PER1: variants seen among roughly 807,000 people sequenced by gnomAD.
The protein encoded by PER1 is period circadian regulator 1.
In PER1, 87 loss-of-function variants were observed where a neutral mutation model predicts 125.9. The observed-to-expected ratio is 0.69, with a 90% CI of 0.58 to 0.83. The LOEUF is 0.83. Ranked by LOEUF, PER1 falls within the 40% of genes least tolerant of loss-of-function variation. PER1 has a pLI of 0.00. For missense variants in PER1, 1,775 were observed against 1,722.8 expected (o/e 1.03, Z -0.54); for synonymous variants, 801 against 714.7 (o/e 1.12, Z -1.93).
In PER1 at chr17:8,144,969, G is replaced by A. The variant is rs746932415; in HGVS notation, c.2243C>T (p.Pro748Leu). The change falls in exon 18 of 23, where the codon CCT (proline) becomes CTT (leucine). Residue 748 changes from proline to leucine, a missense_variant. Transcript: ENST00000317276. ...GGGGGCTGGGCCTGGGGCTAGGCCA[G>A]GCAGGTCCTCCATCATGATGATGTC... ...ESDIIMMEDL[P>L]GLAPGPAPSP... The A allele has an allele frequency of 2.5e-5, 38 of 1,497,836 alleles. No homozygotes were observed. In the Middle Eastern group the frequency reaches 1.7e-3, roughly 68 times the overall value. The allele number at this position is 1,497,836 out of a possible 1,614,324, so 92.8% of individuals were successfully genotyped here.
At position 8,143,384 on chromosome 17, in the gene PER1, T is replaced by C. The variant is rs1323588262; in HGVS notation, c.2954A>G (p.Asn985Ser). 9.9e-6 allele frequency: 16 copies of C among 1,613,466 alleles called. No individual in the cohort carries two copies. Among genetic ancestry groups the C allele is most frequent in the East Asian group, 2.2e-5 (1 of 44,838 alleles). The change falls in exon 19 of 23, where the codon AAT becomes AGT. Residue 985 changes from asparagine to serine, a missense_variant. Physicochemically the swap from Asn to Ser is conservative, Grantham distance 46 (BLOSUM62 1). Transcript: ENST00000317276. ...NSRCSSPLQL[N>S]LLQLEELPRA... Reference sequence around the variant, plus strand: ...GGGGAGCTCCTCCAGCTGCAGCAGATTGAGCTGGAGTGGAGAGCTGCATCT... The same window carrying C: ...GGGGAGCTCCTCCAGCTGCAGCAGACTGAGCTGGAGTGGAGAGCTGCATCT...
intron 17 of PER1, 70 bp from the exon 18 acceptor site, chr17:8,145,063 C>T (rs775493098): frequency 8.8e-6 from 12 of 1,357,086 alleles, no homozygotes; most frequent in African/African-American, 1.5e-5. Flanking sequence ...ACCACACCCT[C>T]CCTGTCTGAT....
chr17:8,146,894 C>A lies in PER1; in HGVS notation c.1735+3G>T. The A allele has an allele frequency of 1.2e-6, 2 of 1,613,500 alleles. No individual in the cohort carries two copies. On this transcript the variant is annotated splice_donor_region_variant and intron_variant, in intron 14 of 22. Transcript: ENST00000317276. ...CTTCACCCACACATCATCATCAACT[C>A]ACCAGGGAGGCGGGGCCGGGACTGA...
chr17:8,148,605 C>T (rs1159808737), intron 8 of PER1, 39 bp downstream of exon 8: 3 of 1,559,198 alleles, frequency 1.9e-6, no homozygotes, highest in African/African-American at 2.8e-5. Context: ...AATGTCCTTC[C>T]TCCCAGCCCC....
chr17:8,143,389 C>T lies in PER1; in HGVS notation c.2949G>A (p.Gln983=). 6.2e-7 allele frequency: 1 copy of T among 1,613,504 alleles called. No homozygotes were observed. The highest frequency in any genetic ancestry group is 8.5e-7 in the Non-Finnish European group (1 of 1,179,756). The change falls in exon 19 of 23, where the codon CAG becomes CAA. Residue 983 remains glutamine (Q), a synonymous_variant. Coordinates refer to ENST00000317276, the MANE Select transcript of PER1 (RefSeq NM_002616.3). ...LFNSRCSSPL[Q]LNLLQLEELP... ...GCTCCTCCAGCTGCAGCAGATTGAG[C>T]TGGAGTGGAGAGCTGCATCTCGAGT...
In PER1 at chr17:8,143,410, C is replaced by G. The variant is rs547527923; in HGVS notation, c.2928G>C (p.Ser976=). 1 of 1,613,130 alleles carries G rather than the reference C, an allele frequency of 6.2e-7. No individual in the cohort carries two copies. The highest frequency in any genetic ancestry group is 2.2e-5 in the East Asian group (1 of 44,806). ...PHRPDSPLFN[S]RCSSPLQLNL... is the part of the protein sequence containing the mutation. ...TGAGCTGGAGTGGAGAGCTGCATCT[C>G]GAGTTGAACAGTGGAGAGTCCGGGC... The change falls in exon 19 of 23, where the codon TCG becomes TCC. Residue 976 remains serine (S), a synonymous_variant. Transcript: ENST00000317276.
In PER1 at chr17:8,146,798, T is replaced by C. The variant is rs920639838; in HGVS notation, c.1736-33A>G. On this transcript the variant is annotated intron_variant, in intron 14 of 22. Coordinates refer to ENST00000317276, the MANE Select transcript of PER1 (RefSeq NM_002616.3). ...AAAGAGAGAAAGAGGAAAATAGCCT[T>C]CTCAAGCTCACATGGAAAAAAACAG... 17 of 1,606,860 alleles carry C rather than the reference T, an allele frequency of 1.1e-5. No individual in the cohort carries two copies. In the East Asian group the frequency reaches 1.1e-4, roughly 11 times the overall value.
At chr17:8,149,213 C>CAA in intron 7 of PER1, 46 bp downstream of exon 7, 4 of 380,900 alleles carry the variant, frequency 1.1e-5, no homozygotes, top group African/African-American at 4.6e-5. Context: ...AAAACAAAAA[C>CAA]AAAAAAAAAA....
At chr17:8,141,514 C>T (rs1386790313) in intron 22 of PER1, among the ~76,000 whole-genome samples, 174 bp from the exon 23 acceptor site, 1 of 152,202 alleles carries the variant, frequency 6.6e-6, no homozygotes, top group Non-Finnish European at 1.5e-5. Flanking sequence ...GTGCCCTCTA[C>T]CCAGATGCCG....
In PER1 at chr17:8,146,084, C is replaced by T; in HGVS notation, c.2092G>A (p.Val698Met). ...AGCGGGCTCAGGGTGCCTCCCACCACTGGCTCCTTCCGTGGGGTGGCCCCC... is the reference window on the plus strand; with the variant it reads ...AGCGGGCTCAGGGTGCCTCCCACCATTGGCTCCTTCCGTGGGGTGGCCCCC... Reference protein sequence around the residue: ...GEGATPRKEPVVGGTLSPLAL... With the variant: ...GEGATPRKEPMVGGTLSPLAL... The change falls in exon 17 of 23, where the codon GTG becomes ATG. Residue 698 changes from valine to methionine, a missense_variant. Coordinates refer to ENST00000317276, the MANE Select transcript of PER1 (RefSeq NM_002616.3). 3 of 1,613,492 alleles carry T rather than the reference C, an allele frequency of 1.9e-6. No homozygotes were observed. Among genetic ancestry groups the T allele is most frequent in the Non-Finnish European group, 2.5e-6 (3 of 1,179,732 alleles).
chr17:8,151,039 C>T (rs1055294990), intron 1 of PER1, among the ~76,000 whole-genome samples, 194 bp from the exon 2 acceptor site: 1 of 152,172 alleles, frequency 6.6e-6, no homozygotes, highest in African/African-American at 2.4e-5. Flanking sequence ...GGAGAAGGTT[C>T]TCCGGGGCCT....
At chr17:8,146,795 C>T (rs375283610) in intron 14 of PER1, 30 bp from the exon 15 acceptor site, 1 of 1,607,130 alleles carries the variant, frequency 6.2e-7, no homozygotes, top group African/African-American at 1.3e-5. Flanking sequence ...AGGAAAATAG[C>T]CTTCTCAAGC....
chr17:8,151,861 G>A (rs1218537282), intron 1 of PER1, among the ~76,000 whole-genome samples: 1 of 152,140 alleles, frequency 6.6e-6, no homozygotes, highest in Non-Finnish European at 1.5e-5. Context: ...AGCATTTTCT[G>A]AGCGCCAGGG....
At position 8,142,722 on chromosome 17, in the gene PER1, G is replaced by A. The variant is rs923828747; in HGVS notation, c.3186C>T (p.Ser1062=). 7 of 1,614,008 alleles carry A rather than the reference G, an allele frequency of 4.3e-6. No homozygotes were observed. The highest frequency in any genetic ancestry group is 2.2e-5 in the East Asian group (1 of 44,878). ...RSGTGSAASG[S]LGSGLGSGSG... is the part of the protein sequence containing the mutation. The stretch of plus-strand genomic sequence containing the variant: ...ACCCAGAGCCCAAGCCAGAGCCCAA[G>A]GAGCCCGAGGCTGCGGAGCCTGTGC... The change falls in exon 20 of 23, where the codon TCC becomes TCT. Residue 1062 remains serine (S), a synonymous_variant. Coordinates refer to ENST00000317276, the MANE Select transcript of PER1 (RefSeq NM_002616.3).
intron 1 of PER1, among the ~76,000 whole-genome samples, chr17:8,151,424 C>G (rs183358428): frequency 6.6e-6 from 1 of 152,278 alleles, no homozygotes; most frequent in Admixed American, 6.5e-5. Flanking sequence ...ACGGCCCACT[C>G]TCACACTGGT....
rs1982227829 is a variant in PER1, at chr17:8,143,616, C to T, written c.2722G>A (p.Ala908Thr). The T allele has an allele frequency of 7.6e-6, 11 of 1,443,374 alleles. No individual in the cohort carries two copies. In the South Asian group the frequency reaches 1.6e-4, roughly 21 times the overall value. 89.4% of individuals were successfully genotyped at this position (1,443,374 alleles called of 1,614,324 possible). A position where few individuals can be genotyped will look rare whatever the true frequency, so the allele number is the denominator to read the frequency against. Residue 908 changes from alanine to threonine, a missense_variant, in exon 19 of 23, where the codon GCT becomes ACT. Coordinates refer to ENST00000317276, the MANE Select transcript of PER1 (RefSeq NM_002616.3). ...GTCACCAAAGGGGCGGGGAAAGCAG[C>T]TGGGGGCACAGATGTGGGAGCAGGG... ...LPPAPTSVPPAAFPAPLVTPM... is the reference protein window; with the variant it reads ...LPPAPTSVPPTAFPAPLVTPM...
At chr17:8,142,990 C>A (rs1011843379) in intron 19 of PER1, among the ~76,000 whole-genome samples, 155 bp from the exon 20 acceptor site, 1 of 152,208 alleles carries the variant, frequency 6.6e-6, no homozygotes, top group Non-Finnish European at 1.5e-5. Flanking sequence ...GAGAAGAAAG[C>A]TGGCGAAGAG....
intron 1 of PER1, 123 bp from the exon 2 acceptor site, chr17:8,150,968 G>C: frequency 4.4e-6 from 2 of 450,540 alleles, no homozygotes; most frequent in Non-Finnish European, 7.8e-6. Context: ...GTGGAACCCA[G>C]GCCTGGGGCT....
In PER1 at chr17:8,146,889, C is replaced by T; in HGVS notation, c.1735+8G>A. Reference sequence around the variant, plus strand: ...TGTCTCTTCACCCACACATCATCATCAACTCACCAGGGAGGCGGGGCCGGG... The same window carrying T: ...TGTCTCTTCACCCACACATCATCATTAACTCACCAGGGAGGCGGGGCCGGG... On this transcript the variant is annotated splice_region_variant and intron_variant, in intron 14 of 22. Coordinates refer to ENST00000317276, the MANE Select transcript of PER1 (RefSeq NM_002616.3). 1.2e-6 allele frequency: 2 copies of T among 1,613,102 alleles called. No homozygotes were observed. Among genetic ancestry groups the T allele is most frequent in the South Asian group, 2.2e-5 (2 of 90,950 alleles).
Sources: gnomAD v4.1 joint callset for allele counts (sites outside exome capture counted in the v4.1 genomes callset) on GRCh38, gnomAD v4.1.1 for gene constraint, MANE v1.5 for transcripts, NCBI Gene and HGNC (gene_info 2026-07-23, HGNC 2026-07-21) for gene names.